H2BC5: variants seen among roughly 807,000 people sequenced by gnomAD.
H2BC5 encodes H2B clustered histone 5.
Under a neutral mutation model 5.7 loss-of-function variants are expected in H2BC5, and 9 were observed. The observed-to-expected ratio is 1.57, with a 90% CI of 0.95 to 2.74. The LOEUF (loss-of-function observed/expected upper bound fraction) is 2.74. Ranked by LOEUF, H2BC5 falls within the 30% of genes most tolerant of loss-of-function variation. The pLI, the probability that H2BC5 is intolerant of heterozygous loss-of-function variation, is 0.00. For missense variants in H2BC5, 175 were observed against 168.8 expected (o/e 1.04, Z -0.20); for synonymous variants, 133 against 70.9 (o/e 1.88, Z -4.40).
downstream of H2BC5, among the ~76,000 whole-genome samples, chr6:26,159,184 G>A (rs1764302382): frequency 1.3e-5 from 2 of 149,230 alleles, no homozygotes. Context: ...AGCAGCTTCT[G>A]AGACACCTTA....
chr6:26,170,725 C>G (rs538298400), intron 1 of H2BC5, among the ~76,000 whole-genome samples: 39 of 152,246 alleles, frequency 2.6e-4, no homozygotes, highest in African/African-American at 8.7e-4. Flanking sequence ...AGCTTTTGAA[C>G]TATTTGAATC....
rs779615788 is a variant in H2BC5 at position 26,158,301 on chromosome 6, G to A, written c.132G>A (p.Lys44=). 6.8e-6 allele frequency: 11 copies of A among 1,614,144 alleles called. No homozygotes were observed. In the African/African-American group the frequency reaches 1.1e-4, roughly 16 times the overall value. The part of the protein sequence containing the change: ...RKESYSVYVY[K]VLKQVHPDTG... ...AGAGCTATTCAGTGTATGTGTACAA[G>A]GTGCTGAAGCAGGTCCATCCCGACA... The change falls in exon 1 of 1, where the codon AAG becomes AAA. Residue 44 remains lysine (K), a synonymous_variant. Transcript: ENST00000377777.
exon 2 of H2BC5, chr6:26,171,270 T>C (rs1259408586): frequency 6.6e-6 from 1 of 152,200 alleles, no homozygotes; most frequent in Non-Finnish European, 1.5e-5. Flanking sequence ...CTACCTTTGC[T>C]AAGAAAAGTC....
At chr6:26,168,930 G>C (rs1006477048) in intron 1 of H2BC5, among the ~76,000 whole-genome samples, 1 of 152,092 alleles carries the variant, frequency 6.6e-6, no homozygotes, top group Non-Finnish European at 1.5e-5. Flanking sequence ...GAATGTCCGA[G>C]AAACAGATTG....
intron 1 of H2BC5, among the ~76,000 whole-genome samples, chr6:26,168,987 A>C (rs1354263103): frequency 6.6e-6 from 1 of 152,216 alleles, no homozygotes; most frequent in Non-Finnish European, 1.5e-5. Context: ...TAATACAATA[A>C]AAATTTTAAA....
At chr6:26,158,747 G>A (rs1001068147), downstream of H2BC5, 5 of 876,364 alleles carry the variant, frequency 5.7e-6, no homozygotes, top group Non-Finnish European at 8.6e-6. Flanking sequence ...ATAGGTACTA[G>A]AAATTGAGTG....
At chr6:26,160,134 G>C (rs1463067873), downstream of H2BC5, among the ~76,000 whole-genome samples, 2 of 151,898 alleles carry the variant, frequency 1.3e-5, no homozygotes, top group East Asian at 1.9e-4. Context: ...CTAAGGCTTG[G>C]ACTACAAGCC....
At chr6:26,161,154 G>C (rs1427822532), downstream of H2BC5, 2 of 152,132 alleles carry the variant, frequency 1.3e-5, no homozygotes, top group Admixed American at 6.5e-5. Context: ...GTTGCATTGA[G>C]CCAAGATCAC....
chr6:26,162,560 T>G (rs1363981969), downstream of H2BC5, among the ~76,000 whole-genome samples: 1 of 152,204 alleles, frequency 6.6e-6, no homozygotes, highest in Non-Finnish European at 1.5e-5. Flanking sequence ...GTTGTTGTTT[T>G]GAGACAGAGT....
At chr6:26,164,596 T>TA (rs1561970039) in intron 1 of H2BC5, among the ~76,000 whole-genome samples, 27 of 147,706 alleles carry the variant, frequency 1.8e-4, no homozygotes, top group Admixed American at 8.1e-4. Context: ...AAGGGAGATT[T>TA]TATATATATA....
rs768722393 is a variant in H2BC5, at chr6:26,158,575, C to T, written c.*25C>T. On this transcript the variant is annotated 3_prime_UTR_variant, in exon 1 of 1. Transcript: ENST00000377777. ...ACTTTGCCAAGTAAGCATCTTTACA[C>T]CTAATCCCAAAGGCTCTTTTAAGAG... The T allele has an allele frequency of 7.5e-6, 12 of 1,610,038 alleles. No individual in the cohort carries two copies. In the African/African-American group the frequency reaches 9.4e-5, roughly 13 times the overall value.
At chr6:26,168,852 TATTA>T (rs946914850) in intron 1 of H2BC5, among the ~76,000 whole-genome samples, 6 of 152,236 alleles carry the variant, frequency 3.9e-5, no homozygotes, top group African/African-American at 1.4e-4. Context: ...GCATTGAATG[TATTA>T]ATTCATTTGA....
At chr6:26,165,980 A>C (rs1764416795) in intron 1 of H2BC5, among the ~76,000 whole-genome samples, 1 of 152,232 alleles carries the variant, frequency 6.6e-6, no homozygotes, top group South Asian at 2.1e-4. Flanking sequence ...TGTCATCAGA[A>C]GCTAGGGAGG....
At position 26,158,213 on chromosome 6, in the gene H2BC5, C is replaced by T; in HGVS notation, c.44C>T (p.Ser15Phe). 4.3e-6 allele frequency: 7 copies of T among 1,614,166 alleles called. No individual in the cohort carries two copies. Among genetic ancestry groups the T allele is most frequent in the Non-Finnish European group, 5.9e-6 (7 of 1,180,042 alleles). ...TKSAPAPKKG[S>F]KKAVTKAQKK... Reference sequence around the variant, plus strand: ...TCTGCTCCTGCCCCAAAGAAGGGCTCCAAGAAGGCGGTGACTAAGGCTCAG... The same window carrying T: ...TCTGCTCCTGCCCCAAAGAAGGGCTTCAAGAAGGCGGTGACTAAGGCTCAG... The change falls in exon 1 of 1, where the codon TCC (serine) becomes TTC (phenylalanine). Residue 15 changes from serine (S) to phenylalanine (F), a missense_variant. Coordinates refer to ENST00000377777, the MANE Select transcript of H2BC5 (RefSeq NM_021063.4).
At chr6:26,160,514 GAAAAA>G (rs34183291), downstream of H2BC5, among the ~76,000 whole-genome samples, 4 of 55,162 alleles carry the variant, frequency 7.3e-5, no homozygotes, top group Admixed American at 2.2e-4. Flanking sequence ...TCCTGTCTCT[GAAAAA>G]AAAAAAAAAA....
At chr6:26,168,103 G>C (rs997338311) in intron 1 of H2BC5, among the ~76,000 whole-genome samples, 2 of 151,722 alleles carry the variant, frequency 1.3e-5, no homozygotes, top group Non-Finnish European at 1.5e-5. Context: ...TCCTGCTTTA[G>C]TCCTTTGTAC....
intron 1 of H2BC5, among the ~76,000 whole-genome samples, chr6:26,166,222 T>C (rs1413532036): frequency 6.6e-6 from 1 of 152,206 alleles, no homozygotes. Flanking sequence ...TGGCATCTCA[T>C]TGCTTTTAGC....
chr6:26,166,822 C>T (rs1431417107), intron 1 of H2BC5, among the ~76,000 whole-genome samples: 1 of 150,034 alleles, frequency 6.7e-6, no homozygotes, highest in East Asian at 2.0e-4. Flanking sequence ...GTCTTAGCCT[C>T]CCTGAGTAGC....
chr6:26,165,995 T>A (rs1392652845), intron 1 of H2BC5, among the ~76,000 whole-genome samples: 2 of 152,194 alleles, frequency 1.3e-5, no homozygotes, highest in Non-Finnish European at 2.9e-5. Flanking sequence ...GGGAGGGTGA[T>A]GAAGGACTGA....
Sources: gnomAD v4.1 joint callset for allele counts (sites outside exome capture counted in the v4.1 genomes callset) on GRCh38, gnomAD v4.1.1 for gene constraint, MANE v1.5 for transcripts, NCBI Gene and HGNC (gene_info 2026-07-23, HGNC 2026-07-21) for gene names.